Variants in KCNB2 observed in about 807,000 individuals in gnomAD.
KCNB2 encodes delayed rectifier potassium channel protein.
KCNB2 carries 15 observed loss-of-function variants against 61.5 expected under a neutral mutation model. The observed-to-expected ratio is 0.24, with a 90% CI of 0.16 to 0.38. The LOEUF (loss-of-function observed/expected upper bound fraction) is 0.38. KCNB2 is among the 10% of genes least tolerant of loss of function. KCNB2 has a pLI of 1.00. For synonymous variants in KCNB2, 457 were observed against 446.0 expected, an observed-to-expected ratio of 1.02 and a Z score of -0.31; for missense variants, 828 against 1,125.2, an observed-to-expected ratio of 0.74 and a Z score of 3.78.
At chr8:72,889,919 C>A (rs1162885858) in intron 2 of KCNB2, among the ~76,000 whole-genome samples, 1 of 152,062 alleles carries the variant, frequency 6.6e-6, no homozygotes, top group East Asian at 1.9e-4. Flanking sequence ...GCATGCCCAG[C>A]AAATTTTTGT....
chr8:72,755,895 G>A lies in KCNB2; in HGVS notation c.580-180040G>A, dbSNP rs958374553. ...TGTGTGCAGGACGGGTATAGGAACCGGTAGCATCTTCATCCTGCAGGGAGG... is the reference window on the plus strand; with the variant it reads ...TGTGTGCAGGACGGGTATAGGAACCAGTAGCATCTTCATCCTGCAGGGAGG... On this transcript the variant is annotated intron_variant, in intron 2 of 2. Transcript: ENST00000523207. Among the ~76,000 whole-genome samples the A allele has an allele frequency of 1.8e-4, 27 of 152,260 alleles. No individual in the cohort carries two copies. The South Asian group carries it at 2.3e-3, about 13-fold the overall frequency.
intron 2 of KCNB2, among the ~76,000 whole-genome samples, chr8:72,618,482 T>C (rs1563540066): frequency 6.6e-6 from 1 of 152,202 alleles, no homozygotes; most frequent in Non-Finnish European, 1.5e-5. Context: ...AGAACACTAG[T>C]GAAAGAATTT....
At chr8:72,614,262 A>G (rs1269614206) in intron 2 of KCNB2, among the ~76,000 whole-genome samples, 1 of 152,178 alleles carries the variant, frequency 6.6e-6, no homozygotes, top group Non-Finnish European at 1.5e-5. Context: ...TTTTAAATGT[A>G]TGTATTTTAT....
intron 2 of KCNB2, among the ~76,000 whole-genome samples, chr8:72,904,831 T>C (rs1806147719): frequency 6.6e-6 from 1 of 152,034 alleles, no homozygotes; most frequent in African/African-American, 2.4e-5. Flanking sequence ...CTCTCTGCCC[T>C]TACTTGCCTC....
chr8:72,874,324 G>T (rs923155097), intron 2 of KCNB2, among the ~76,000 whole-genome samples: 1 of 152,162 alleles, frequency 6.6e-6, no homozygotes, highest in Non-Finnish European at 1.5e-5. Context: ...ACTGAGGGCT[G>T]CCGGCTTTAT....
chr8:72,572,412 C>T (rs1806724634), intron 2 of KCNB2, among the ~76,000 whole-genome samples: 1 of 152,134 alleles, frequency 6.6e-6, no homozygotes, highest in African/African-American at 2.4e-5. Flanking sequence ...AGTGAGAGCA[C>T]CCAGCAGCTT....
At chr8:72,715,624 A>T (rs1218452581) in intron 2 of KCNB2, among the ~76,000 whole-genome samples, 6 of 152,208 alleles carry the variant, frequency 3.9e-5, no homozygotes, top group Admixed American at 6.5e-5. Context: ...GAGAACAAAG[A>T]CACAACATAC....
Position 72,642,475 on chromosome 8 carries a change from C to T in KCNB2, c.579+74162C>T, listed in dbSNP as rs963506939. On this transcript the variant is annotated intron_variant, in intron 2 of 2. Coordinates refer to ENST00000523207, the MANE Select transcript of KCNB2 (RefSeq NM_004770.3). Reference sequence around the variant, plus strand: ...AACACAGAGGCACAGGCAGTGAGCACGGTTTGTGGACTCACACAGCTTACA... The same window carrying T: ...AACACAGAGGCACAGGCAGTGAGCATGGTTTGTGGACTCACACAGCTTACA... 5.3e-5 allele frequency among the ~76,000 whole-genome samples: 8 copies of T among 152,164 alleles called. No homozygotes were observed. In the East Asian group the frequency reaches 5.8e-4, roughly 11 times the overall value.
intron 2 of KCNB2, among the ~76,000 whole-genome samples, chr8:72,694,642 G>A (rs559111026): frequency 2.6e-5 from 4 of 152,166 alleles, no homozygotes; most frequent in African/African-American, 7.2e-5. Flanking sequence ...TAATTCATTA[G>A]TATGAGTCAT....
chr8:72,740,332 G>A (rs979392831), intron 2 of KCNB2, among the ~76,000 whole-genome samples: 6 of 152,086 alleles, frequency 3.9e-5, no homozygotes, highest in South Asian at 2.1e-4. Flanking sequence ...ATATAAACAG[G>A]GACCCATGTG....
At chr8:72,624,424 A>T (rs958234564) in intron 2 of KCNB2, among the ~76,000 whole-genome samples, 1 of 152,226 alleles carries the variant, frequency 6.6e-6, no homozygotes, top group African/African-American at 2.4e-5. Context: ...TCAACAACAA[A>T]AAAGATAACA....
At chr8:72,648,559 C>T (rs1268098845) in intron 2 of KCNB2, among the ~76,000 whole-genome samples, 1 of 143,922 alleles carries the variant, frequency 6.9e-6, no homozygotes, top group Non-Finnish European at 1.5e-5. Flanking sequence ...CAGGCATTAG[C>T]CACCACACCT....
intron 2 of KCNB2, among the ~76,000 whole-genome samples, chr8:72,711,678 A>T (rs1807329138): frequency 6.6e-6 from 1 of 152,190 alleles, no homozygotes; most frequent in African/African-American, 2.4e-5. Flanking sequence ...CGGGATCTTG[A>T]GGGGACCATT....
intron 2 of KCNB2, among the ~76,000 whole-genome samples, chr8:72,633,305 C>T (rs1805911662): frequency 6.6e-6 from 1 of 152,132 alleles, no homozygotes; most frequent in South Asian, 2.1e-4. Context: ...AAACCCTTGT[C>T]ATGCTTCAGA....
intron 2 of KCNB2, among the ~76,000 whole-genome samples, chr8:72,711,005 G>T (rs571738092): frequency 3.2e-4 from 49 of 152,334 alleles, no homozygotes; most frequent in African/African-American, 1.1e-3. Flanking sequence ...GGCAGTCTGT[G>T]ATGGCAAGGA....
chr8:72,565,087 C>G (rs1348596639), intron 1 of KCNB2, among the ~76,000 whole-genome samples: 1 of 151,796 alleles, frequency 6.6e-6, no homozygotes, highest in African/African-American at 2.4e-5. Flanking sequence ...CATTATAGAG[C>G]TTCTTATTTT....
At chr8:72,844,432 C>T (rs1273358577) in intron 2 of KCNB2, among the ~76,000 whole-genome samples, 3 of 152,132 alleles carry the variant, frequency 2.0e-5, no homozygotes, top group Non-Finnish European at 4.4e-5. Flanking sequence ...TTTCTCTTCT[C>T]GAGGAGTATC....
Position 72,677,136 on chromosome 8 carries a change from T to G in KCNB2, c.579+108823T>G, listed in dbSNP as rs548736973. ...ACACATGGAGAACTCCTGTGATGCT[T>G]GGAGTCATGCTGCCACAAGCCAGGC... On this transcript the variant is annotated intron_variant, in intron 2 of 2. Coordinates refer to ENST00000523207, the MANE Select transcript of KCNB2 (RefSeq NM_004770.3). 3.3e-5 allele frequency among the ~76,000 whole-genome samples: 5 copies of G among 152,212 alleles called. 1 individual carries two copies. Among genetic ancestry groups the G allele is most frequent in the African/African-American group, 1.2e-4 (5 of 41,522 alleles).
chr8:72,743,471 C>G (rs892948276), intron 2 of KCNB2, among the ~76,000 whole-genome samples: 1 of 152,178 alleles, frequency 6.6e-6, no homozygotes, highest in East Asian at 1.9e-4. Flanking sequence ...ATGCCAATTT[C>G]CCTTTAAAAG....
Sources: allele counts gnomAD v4.1 joint callset (sites outside exome capture counted in the v4.1 genomes callset), GRCh38; gene constraint gnomAD v4.1.1; transcripts MANE v1.5; gene names NCBI Gene and HGNC (gene_info 2026-07-23, HGNC 2026-07-21).